The following GPR39 variants were observed in gnomAD, a reference collection of about 807,000 sequenced individuals.
The protein encoded by GPR39 is G protein-coupled receptor 39, also known as zinc sensing receptor.
GPR39 carries 23 observed loss-of-function variants against 18.4 expected under a neutral mutation model. The observed-to-expected ratio is 1.25, with a 90% CI of 0.90 to 1.77. The LOEUF (loss-of-function observed/expected upper bound fraction) is 1.77. Ranked by LOEUF, GPR39 falls within the 40% of genes most tolerant of loss-of-function variation. GPR39 has a pLI of 0.00. For missense variants in GPR39, 647 were observed against 602.4 expected, an observed-to-expected ratio of 1.07 and a Z score of -0.78; for synonymous variants, 280 against 257.9, an observed-to-expected ratio of 1.09 and a Z score of -0.82.
Position 132,432,973 on chromosome 2 carries a change from G to A in GPR39, c.856+15075G>A, listed in dbSNP as rs569564281. Reference sequence around the variant, plus strand: ...TTTGACCCTTGAACAACATGGATTTGAACTACTTGGGTCTTCTTATACATG... The same window carrying A: ...TTTGACCCTTGAACAACATGGATTTAAACTACTTGGGTCTTCTTATACATG... On this transcript the variant is annotated intron_variant, in intron 1 of 1. Coordinates refer to ENST00000329321, the MANE Select transcript of GPR39 (RefSeq NM_001508.3). Among the ~76,000 whole-genome samples the A allele has an allele frequency of 9.9e-5, 15 of 152,272 alleles. No individual in the cohort carries two copies. In the South Asian group the frequency reaches 3.1e-3, roughly 32 times the overall value.
At chr2:132,473,758 G>A (rs1366562209) in intron 1 of GPR39, among the ~76,000 whole-genome samples, 1 of 152,170 alleles carries the variant, frequency 6.6e-6, no homozygotes, top group Non-Finnish European at 1.5e-5. Context: ...TGAGAGACAT[G>A]ATGTAGACCA....
intron 1 of GPR39, among the ~76,000 whole-genome samples, chr2:132,544,079 G>T (rs1222807621): frequency 6.6e-6 from 1 of 152,246 alleles, no homozygotes; most frequent in Non-Finnish European, 1.5e-5. Context: ...TGAGCATTAA[G>T]TGATAGTGGT....
intron 1 of GPR39, among the ~76,000 whole-genome samples, chr2:132,591,739 C>G (rs990232714): frequency 1.3e-5 from 2 of 152,132 alleles, no homozygotes; most frequent in South Asian, 2.1e-4. Flanking sequence ...AGCCAAAGAT[C>G]AACATCACAA....
intron 1 of GPR39, among the ~76,000 whole-genome samples, chr2:132,621,337 G>A (rs972141761): frequency 2.6e-5 from 4 of 152,218 alleles, no homozygotes; most frequent in East Asian, 1.9e-4. Context: ...TGTCACCAGC[G>A]TTGCTGCAGA....
At chr2:132,479,995 C>A (rs369614248) in intron 1 of GPR39, among the ~76,000 whole-genome samples, 2 of 152,240 alleles carry the variant, frequency 1.3e-5, no homozygotes, top group African/African-American at 4.8e-5. Flanking sequence ...TGGAAAACAC[C>A]GTTTGCCATA....
At chr2:132,519,822 A>G (rs1344249710) in intron 1 of GPR39, among the ~76,000 whole-genome samples, 1 of 152,218 alleles carries the variant, frequency 6.6e-6, no homozygotes, top group Admixed American at 6.5e-5. Context: ...CTCTCAAAGT[A>G]AATAGGTAGC....
At chr2:132,534,158 C>G (rs1007868407) in intron 1 of GPR39, among the ~76,000 whole-genome samples, 1 of 151,976 alleles carries the variant, frequency 6.6e-6, no homozygotes, top group African/African-American at 2.4e-5. Flanking sequence ...AAAAAACAAC[C>G]CCATCAAAAA....
chr2:132,646,431 T>G lies in GPR39; in HGVS notation c.*825T>G, dbSNP rs148811614. 545 of 430,070 alleles carry G rather than the reference T, an allele frequency of 1.3e-3. 1 individual carries two copies. Among genetic ancestry groups the G allele is most frequent in the African/African-American group, 9.7e-3 (475 of 49,190 alleles). The allele number at this position is 430,070 out of a possible 1,614,324, so 26.6% of individuals were successfully genotyped here. A position where few individuals can be genotyped will look rare whatever the true frequency, so the allele number is the denominator to read the frequency against. ...CAGGGAAGTGCTTCGGATTGTCTCA[T>G]TGATATTCAAGATAGATGGTGAAAG... On this transcript the variant is annotated 3_prime_UTR_variant, in exon 2 of 2. Coordinates refer to ENST00000329321, the MANE Select transcript of GPR39 (RefSeq NM_001508.3).
chr2:132,637,708 A>G (rs1025508303), intron 1 of GPR39, among the ~76,000 whole-genome samples: 3 of 152,214 alleles, frequency 2.0e-5, no homozygotes, highest in Non-Finnish European at 4.4e-5. Context: ...TTGTCAGAGG[A>G]CATGGTACCT....
chr2:132,633,021 C>T (rs1343172859), intron 1 of GPR39, among the ~76,000 whole-genome samples: 1 of 152,160 alleles, frequency 6.6e-6, no homozygotes, highest in Admixed American at 6.5e-5. Flanking sequence ...CCTCACCTCC[C>T]CACTGCTGCC....
At chr2:132,429,477 G>A (rs1190375342) in intron 1 of GPR39, among the ~76,000 whole-genome samples, 1 of 152,238 alleles carries the variant, frequency 6.6e-6, no homozygotes, top group African/African-American at 2.4e-5. Flanking sequence ...GTGGTCAGAA[G>A]CTTGCTTTCC....
chr2:132,438,947 T>C (rs1381501313), intron 1 of GPR39, among the ~76,000 whole-genome samples: 3 of 152,196 alleles, frequency 2.0e-5, no homozygotes, highest in African/African-American at 7.2e-5. Context: ...CATGTGTATG[T>C]TTAATTCTGA....
chr2:132,476,720 G>C (rs1299240633), intron 1 of GPR39, among the ~76,000 whole-genome samples: 3 of 151,672 alleles, frequency 2.0e-5, no homozygotes, highest in Non-Finnish European at 4.4e-5. Flanking sequence ...AAAAGGAAGT[G>C]AGGTAGGGAT....
At chr2:132,633,338 CTGTGTGTGTGTGTGTGTGTGTGTGTGTG>C (rs55722602) in intron 1 of GPR39, among the ~76,000 whole-genome samples, 6 of 139,106 alleles carry the variant, frequency 4.3e-5, no homozygotes, top group Non-Finnish European at 9.2e-5. Flanking sequence ...CCAAATACCT[CTGTGTGTGTGTGTGTGTGTGTGTGTGTG>C]TGTGTGTGTG....
chr2:132,450,614 C>A (rs1218176752), intron 1 of GPR39, among the ~76,000 whole-genome samples: 1 of 152,192 alleles, frequency 6.6e-6, no homozygotes, highest in Non-Finnish European at 1.5e-5. Context: ...TTCACCTATA[C>A]CCTCTGACAC....
chr2:132,603,738 C>A (rs1681087114), intron 1 of GPR39, among the ~76,000 whole-genome samples: 1 of 152,132 alleles, frequency 6.6e-6, no homozygotes, highest in Non-Finnish European at 1.5e-5. Flanking sequence ...TTACTAAAAT[C>A]CACTGAAGTC....
intron 1 of GPR39, among the ~76,000 whole-genome samples, chr2:132,590,528 C>T (rs1173341945): frequency 6.6e-6 from 1 of 151,916 alleles, no homozygotes; most frequent in Non-Finnish European, 1.5e-5. Flanking sequence ...CTGAGGCTTA[C>T]TAGTATTTGA....
intron 1 of GPR39, among the ~76,000 whole-genome samples, chr2:132,585,149 T>C (rs1327420581): frequency 6.6e-6 from 1 of 152,120 alleles, no homozygotes; most frequent in Non-Finnish European, 1.5e-5. Context: ...AGGTGTCTCA[T>C]GGATTAAGGA....
At chr2:132,543,969 A>G (rs1383844133) in intron 1 of GPR39, among the ~76,000 whole-genome samples, 1 of 152,190 alleles carries the variant, frequency 6.6e-6, no homozygotes, top group East Asian at 1.9e-4. Context: ...CAGAGGTTAT[A>G]CATTGTTTTG....
Sources: allele counts gnomAD v4.1 joint callset (sites outside exome capture counted in the v4.1 genomes callset), GRCh38; gene constraint gnomAD v4.1.1; transcripts MANE v1.5; gene names NCBI Gene and HGNC (gene_info 2026-07-23, HGNC 2026-07-21).